PPIP5K1: variants seen among roughly 807,000 people sequenced by gnomAD.
PPIP5K1 encodes the protein diphosphoinositol pentakisphosphate kinase 1, also known as inositol hexakisphosphate and diphosphoinositol-pentakisphosphate kinase 1.
Under a neutral mutation model 27.7 loss-of-function variants are expected in PPIP5K1, and 6 were observed. The ratio of observed to expected loss-of-function variants is 0.22; its 90% CI spans 0.12 to 0.43. PPIP5K1 has a LOEUF of 0.43. Among genes scored for constraint, PPIP5K1 ranks in the 20% least tolerant of loss-of-function variants. The pLI is 1.00. For synonymous variants in PPIP5K1, 145 were observed against 242.6 expected (o/e 0.60, Z 3.74); for missense variants, 394 against 635.4 (o/e 0.62, Z 4.08).
chr15:43,555,434 C>T (rs911033554), intron 30 of PPIP5K1, among the ~76,000 whole-genome samples: 1 of 151,898 alleles, frequency 6.6e-6, no homozygotes, highest in Non-Finnish European at 1.5e-5. Context: ...TGCCACCATA[C>T]CTGGCTAATT....
intron 30 of PPIP5K1, among the ~76,000 whole-genome samples, chr15:43,553,966 C>T (rs2082593373): frequency 1.3e-5 from 2 of 151,966 alleles, no homozygotes; most frequent in Admixed American, 6.6e-5. Flanking sequence ...AATATTCCGA[C>T]GAGTTGTTCT....
chr15:43,557,439 C>A (rs554405188), intron 30 of PPIP5K1, among the ~76,000 whole-genome samples: 1 of 152,030 alleles, frequency 6.6e-6, no homozygotes, highest in Non-Finnish European at 1.5e-5. Flanking sequence ...CAGAGTGAGA[C>A]TCTGTCTCAA....
At chr15:43,546,378 C>G (rs1428652842) in intron 30 of PPIP5K1, among the ~76,000 whole-genome samples, 1 of 152,146 alleles carries the variant, frequency 6.6e-6, no homozygotes, top group Admixed American at 6.5e-5. Context: ...CTCACTGTAA[C>G]CTTGAATTCC....
At position 43,539,565 on chromosome 15, in the gene PPIP5K1, T is replaced by C. The variant is rs1161671250; in HGVS notation, c.3575A>G (p.His1192Arg). ...TGGGTTATCTGAGGCCTGGCTGCTG[T>C]GCATGGAATCAAAGAGGGCTGGAAA... ...QASAALFDSM[H>R]SSQASDNPFS... The change falls in exon 31 of 32, where the codon CAC becomes CGC. Residue 1192 changes from histidine (H) to arginine (R), a missense_variant. By Grantham distance (29) the His-to-Arg change is conservative. Transcript: ENST00000420765. The C allele has an allele frequency of 2.5e-6, 4 of 1,602,172 alleles. No individual in the cohort carries two copies. In the Admixed American group the frequency reaches 5.1e-5, roughly 20 times the overall value.
chr15:43,543,618 T>C (rs2081037724), intron 30 of PPIP5K1, among the ~76,000 whole-genome samples: 1 of 152,120 alleles, frequency 6.6e-6, no homozygotes, highest in Non-Finnish European at 1.5e-5. Flanking sequence ...TGCCAATGCA[T>C]AGTACTAGAA....
chr15:43,560,045 G>A (rs1314850827), intron 29 of PPIP5K1, among the ~76,000 whole-genome samples: 7 of 151,618 alleles, frequency 4.6e-5, no homozygotes, highest in Non-Finnish European at 8.8e-5. Context: ...AGGAGGGCAG[G>A]AAAGTTACTG....
rs755654431 is a variant in PPIP5K1 at position 43,535,105 on chromosome 15, C to T, written c.4042G>A (p.Glu1348Lys). The stretch of plus-strand genomic sequence containing the variant: ...GTGTGGTTACCATTGTCATGGTTCT[C>T]CTGGCATTGCTGGCTGATGTCAGGG... ...KVPDISQQCQ[E>K]NHDNGNHTCQ... is the part of the protein sequence containing the mutation. The change falls in exon 32 of 32, where the codon GAG (glutamate) becomes AAG (lysine). Residue 1348 changes from glutamate (E) to lysine (K), a missense_variant. Physicochemically the swap from Glu to Lys is moderately conservative, Grantham distance 56. Transcript: ENST00000420765. 20 of 1,613,760 alleles carry T rather than the reference C, an allele frequency of 1.2e-5. No individual in the cohort carries two copies. The Admixed American group carries it at 3.2e-4, about 26-fold the overall frequency.
intron 8 of PPIP5K1, chr15:43,581,620 AT>A (rs2085093135): frequency 2.9e-6 from 1 of 347,038 alleles, no homozygotes; most frequent in Non-Finnish European, 4.9e-6. Context: ...TTATTAAAAA[AT>A]AATTTACAAA....
intron 31 of PPIP5K1, 141 bp downstream of exon 31, chr15:43,539,329 G>A: frequency 1.5e-6 from 1 of 668,254 alleles, no homozygotes; most frequent in Non-Finnish European, 2.7e-6. Flanking sequence ...CTTAGAAATG[G>A]CAGATGAGAC....
chr15:43,533,650 A>C lies in PPIP5K1; in HGVS notation c.*1024T>G, dbSNP rs2079503078. 1.3e-5 allele frequency: 2 copies of C among 152,496 alleles called. No individual in the cohort carries two copies. 9.4% of individuals were successfully genotyped at this position (152,496 alleles called of 1,614,324 possible). On this transcript the variant is annotated 3_prime_UTR_variant, in exon 32 of 32. Coordinates refer to ENST00000420765, the MANE Select transcript of PPIP5K1 (RefSeq NM_001394395.1). The stretch of plus-strand genomic sequence containing the variant: ...AGGACAAATTTCTTGGGGACCCTGC[A>C]GTGTTTGGTCTTTGGCCAGTCTGTC...
intron 30 of PPIP5K1, 57 bp downstream of exon 30, chr15:43,558,738 C>A: frequency 6.2e-7 from 1 of 1,600,948 alleles, no homozygotes; most frequent in South Asian, 1.1e-5. Flanking sequence ...TTCTTATATT[C>A]TAGGAAGCAT....
chr15:43,586,398 A>AT (rs577536020), intron 1 of PPIP5K1, among the ~76,000 whole-genome samples: 1 of 1,734 alleles, frequency 5.8e-4, no homozygotes, highest in African/African-American at 1.6e-3. Flanking sequence ...CAATTTTTGT[A>AT]TTTTTTTTTT....
intron 30 of PPIP5K1, chr15:43,548,828 G>A (rs2081733978): frequency 6.6e-6 from 1 of 151,182 alleles, no homozygotes; most frequent in Non-Finnish European, 1.5e-5. Flanking sequence ...GAGTTCGAGA[G>A]CAGCCTTGCC....
At chr15:43,541,992 A>T (rs2080785966) in intron 30 of PPIP5K1, among the ~76,000 whole-genome samples, 2 of 152,220 alleles carry the variant, frequency 1.3e-5, no homozygotes, top group African/African-American at 4.8e-5. Context: ...TTGTCCCATT[A>T]TAAGTAAGGC....
intron 30 of PPIP5K1, 77 bp from the exon 31 acceptor site, chr15:43,539,660 A>C: frequency 1.5e-5 from 14 of 913,714 alleles, no homozygotes; most frequent in Non-Finnish European, 2.2e-5. Context: ...ACACGTTCTC[A>C]ACATAAGTCA....
intron 30 of PPIP5K1, among the ~76,000 whole-genome samples, chr15:43,540,840 C>T (rs1324042563): frequency 2.4e-5 from 3 of 124,150 alleles, no homozygotes; most frequent in African/African-American, 3.3e-5. Context: ...CTACCATGGG[C>T]GACAGAGAGA....
chr15:43,540,898 T>C (rs1595716015), intron 30 of PPIP5K1, among the ~76,000 whole-genome samples: 2 of 145,814 alleles, frequency 1.4e-5, no homozygotes, highest in East Asian at 2.0e-4. Flanking sequence ...AGAAAAGATA[T>C]ATATAAAGAA....
intron 29 of PPIP5K1, among the ~76,000 whole-genome samples, chr15:43,559,168 C>T (rs146164398): frequency 9.1e-4 from 139 of 152,262 alleles, no homozygotes; most frequent in South Asian, 3.1e-3. Flanking sequence ...ATCAAATCAC[C>T]TTTCATGCTA....
At chr15:43,537,854 T>C (rs2080118678) in intron 31 of PPIP5K1, among the ~76,000 whole-genome samples, 1 of 149,820 alleles carries the variant, frequency 6.7e-6, no homozygotes. Flanking sequence ...GTCAAAAATC[T>C]GATACTAGAT....
Sources: gnomAD v4.1 joint callset for allele counts (sites outside exome capture counted in the v4.1 genomes callset) on GRCh38, gnomAD v4.1.1 for gene constraint, MANE v1.5 for transcripts, NCBI Gene and HGNC (gene_info 2026-07-23, HGNC 2026-07-21) for gene names.